The following ASTN2 variants were observed in gnomAD, a reference collection of about 807,000 sequenced individuals.
The protein encoded by ASTN2 is astrotactin-2.
Under a neutral mutation model 139.8 loss-of-function variants are expected in ASTN2, and 54 were observed. That is an observed-to-expected ratio of 0.39 (90% confidence interval 0.31 to 0.48). The LOEUF is 0.48. ASTN2 is among the 20% of genes least tolerant of loss of function. The pLI is 0.95. For missense variants in ASTN2, 1,565 were observed against 1,725.1 expected, an observed-to-expected ratio of 0.91 and a Z score of 1.64; for synonymous variants, 756 against 719.5, an observed-to-expected ratio of 1.05 and a Z score of -0.81.
chr9:117,368,339 A>G (rs931391859), intron 1 of ASTN2, among the ~76,000 whole-genome samples: 11 of 152,062 alleles, frequency 7.2e-5, no homozygotes, highest in Admixed American at 7.2e-4. Context: ...ATACAAACAA[A>G]AGAAGTTATC....
chr9:116,878,188 A>AC (rs1353496481), intron 10 of ASTN2, among the ~76,000 whole-genome samples: 3 of 152,008 alleles, frequency 2.0e-5, no homozygotes, highest in East Asian at 3.9e-4. Context: ...ACATCATTTG[A>AC]CCCCCTGTTA....
At chr9:116,620,564 G>T in intron 17 of ASTN2, 121 bp from the exon 18 acceptor site, 4 of 1,247,994 alleles carry the variant, frequency 3.2e-6, no homozygotes, top group Non-Finnish European at 4.6e-6. Context: ...TTAAGCACAA[G>T]ACACCATCTA....
chr9:116,776,844 GA>G (rs1830098238), intron 13 of ASTN2, among the ~76,000 whole-genome samples: 2 of 152,162 alleles, frequency 1.3e-5, no homozygotes, highest in African/African-American at 4.8e-5. Context: ...TGTGCCCAGA[GA>G]TAATCTGTAA....
intron 11 of ASTN2, among the ~76,000 whole-genome samples, chr9:116,823,970 A>C (rs1378801401): frequency 6.6e-6 from 1 of 152,164 alleles, no homozygotes; most frequent in Non-Finnish European, 1.5e-5. Flanking sequence ...TGTCTCCTCC[A>C]CCAAAATGTA....
chr9:116,627,667 G>C (rs1856531881), intron 17 of ASTN2, among the ~76,000 whole-genome samples: 2 of 152,134 alleles, frequency 1.3e-5, no homozygotes, highest in African/African-American at 4.8e-5. Context: ...GCCTGTTCAA[G>C]GTCACTCGCT....
chr9:117,353,691 A>T (rs1337499291), intron 1 of ASTN2, among the ~76,000 whole-genome samples: 1 of 152,020 alleles, frequency 6.6e-6, no homozygotes, highest in Non-Finnish European at 1.5e-5. Context: ...TTTACCTCCA[A>T]TCCATCCATT....
At chr9:116,839,881 A>ATTTTAT (rs1832150319) in intron 11 of ASTN2, among the ~76,000 whole-genome samples, 1 of 127,982 alleles carries the variant, frequency 7.8e-6, no homozygotes. Context: ...TATTATTATT[A>ATTTTAT]TTTTTTTTTT....
intron 1 of ASTN2, among the ~76,000 whole-genome samples, chr9:117,311,104 G>C: frequency 6.6e-6 from 1 of 152,078 alleles, no homozygotes; most frequent in East Asian, 1.9e-4. Context: ...CCTCAGCCTA[G>C]GGTCTGCTTC....
chr9:117,144,202 C>T (rs1472772134), intron 3 of ASTN2, among the ~76,000 whole-genome samples: 2 of 152,042 alleles, frequency 1.3e-5, no homozygotes, highest in Non-Finnish European at 2.9e-5. Flanking sequence ...GGAAGAGGGC[C>T]CTCACCAGAA....
At chr9:116,716,711 A>T (rs1376863759) in intron 16 of ASTN2, among the ~76,000 whole-genome samples, 6 of 152,108 alleles carry the variant, frequency 3.9e-5, no homozygotes, top group Admixed American at 3.9e-4. Flanking sequence ...TGACTATGTG[A>T]TTGCTAATGC....
Position 116,448,119 on chromosome 9 carries a change from C to T in ASTN2, c.3498-5566G>A, listed in dbSNP as rs1033376022. ...AGGCCAACGCCTGCTCTTCCCCAGCCGCAACATGATTTAGGCATTCTGGGG... is the reference window on the plus strand; with the variant it reads ...AGGCCAACGCCTGCTCTTCCCCAGCTGCAACATGATTTAGGCATTCTGGGG... On this transcript the variant is annotated intron_variant, in intron 20 of 22. Coordinates refer to ENST00000313400, the MANE Select transcript of ASTN2 (RefSeq NM_001365068.1). Among the ~76,000 whole-genome samples, 14 of 152,170 alleles carry T rather than the reference C, an allele frequency of 9.2e-5. No homozygotes were observed. The East Asian group carries it at 1.2e-3, about 13-fold the overall frequency.
intron 2 of ASTN2, among the ~76,000 whole-genome samples, chr9:117,283,436 G>A (rs79955587): frequency 0.012 from 1,885 of 151,934 alleles, 36 homozygotes; most frequent in African/African-American, 0.042. Context: ...AAAAAAAAAC[G>A]TGAATGATAC....
chr9:117,077,673 G>A (rs1251557779), intron 5 of ASTN2, among the ~76,000 whole-genome samples: 1 of 152,148 alleles, frequency 6.6e-6, no homozygotes, highest in Non-Finnish European at 1.5e-5. Context: ...GCTTGAACCT[G>A]GCAGATGGAG....
chr9:116,732,839 C>T (rs984203626), intron 14 of ASTN2, among the ~76,000 whole-genome samples: 1 of 152,190 alleles, frequency 6.6e-6, no homozygotes, highest in South Asian at 2.1e-4. Flanking sequence ...GGCAGATATG[C>T]TGTGTAACTT....
rs546189269 is a variant in ASTN2 at position 116,838,381 on chromosome 9, G to A, written c.2041-17598C>T. ...CGCCTCAGCACTCCCAAAGTACTGG[G>A]ATTACAGCTGTGAGGCACCGCACCC... On this transcript the variant is annotated intron_variant, in intron 11 of 22. Coordinates refer to ENST00000313400, the MANE Select transcript of ASTN2 (RefSeq NM_001365068.1). 2.4e-4 allele frequency among the ~76,000 whole-genome samples: 36 copies of A among 150,850 alleles called. No homozygotes were observed. The East Asian group carries it at 7.1e-3, about 30-fold the overall frequency.
intron 19 of ASTN2, among the ~76,000 whole-genome samples, chr9:116,534,698 T>A (rs188682610): frequency 6.6e-6 from 1 of 152,228 alleles, no homozygotes; most frequent in Non-Finnish European, 1.5e-5. Context: ...TCCTGAGGTC[T>A]AGTTTGATTG....
intron 4 of ASTN2, among the ~76,000 whole-genome samples, chr9:117,115,402 A>T: frequency 6.6e-6 from 1 of 152,098 alleles, no homozygotes. Context: ...CTGTAGTCCC[A>T]GTTACTAAGG....
intron 16 of ASTN2, among the ~76,000 whole-genome samples, chr9:116,674,733 A>C (rs1588174574): frequency 6.6e-6 from 1 of 152,024 alleles, no homozygotes; most frequent in Non-Finnish European, 1.5e-5. Flanking sequence ...CCCCTACATA[A>C]ACTGGCTCAT....
chr9:116,529,640 A>G (rs1322984383), intron 19 of ASTN2, among the ~76,000 whole-genome samples: 1 of 152,032 alleles, frequency 6.6e-6, no homozygotes, highest in Non-Finnish European at 1.5e-5. Context: ...TCTCATCTAG[A>G]GTTGTAATCC....
Sources: gnomAD v4.1 joint callset for allele counts (sites outside exome capture counted in the v4.1 genomes callset) on GRCh38, gnomAD v4.1.1 for gene constraint, MANE v1.5 for transcripts, NCBI Gene and HGNC (gene_info 2026-07-23, HGNC 2026-07-21) for gene names.